CGNL1: variants seen among roughly 807,000 people sequenced by gnomAD.
The protein encoded by CGNL1 is cingulin-like protein 1.
Under a neutral mutation model 141.2 loss-of-function variants are expected in CGNL1, and 132 were observed. That is an observed-to-expected ratio of 0.93 (90% CI 0.81 to 1.08). The LOEUF (loss-of-function observed/expected upper bound fraction) is 1.08, where lower values mean the gene tolerates loss of function less well. Among genes scored for constraint, CGNL1 ranks in the 50% least tolerant of loss-of-function variants. The pLI is 0.00. For missense variants in CGNL1, 1,870 were observed against 1,588.6 expected (o/e 1.18, Z -3.01); for synonymous variants, 690 against 622.1 (o/e 1.11, Z -1.63).
intron 8 of CGNL1, among the ~76,000 whole-genome samples, chr15:57,505,010 C>G (rs2064081737): frequency 6.6e-6 from 1 of 152,208 alleles, no homozygotes; most frequent in East Asian, 1.9e-4. Flanking sequence ...CCCACTCTGT[C>G]TGTCCCAGCT....
At position 57,451,643 on chromosome 15, in the gene CGNL1, T is replaced by G. The variant is rs765779169; in HGVS notation, c.1905+42T>G. Reference sequence around the variant, plus strand: ...TTATGTTATTTTTTCCATTTCTGTCTTGGTTGATAAAGAATATTTTACATG... The same window carrying G: ...TTATGTTATTTTTTCCATTTCTGTCGTGGTTGATAAAGAATATTTTACATG... On this transcript the variant is annotated intron_variant, in intron 5 of 18. Coordinates refer to ENST00000281282, the MANE Select transcript of CGNL1 (RefSeq NM_032866.5). 11 of 1,439,826 alleles carry G rather than the reference T, an allele frequency of 7.6e-6. No individual in the cohort carries two copies. The Admixed American group carries it at 1.3e-4, about 17-fold the overall frequency. The allele number at this position is 1,439,826 out of a possible 1,614,324, so 89.2% of individuals were successfully genotyped here.
intron 1 of CGNL1, among the ~76,000 whole-genome samples, chr15:57,391,187 G>A (rs1706387): frequency 0.062 from 9,481 of 152,252 alleles, 544 homozygotes; most frequent in African/African-American, 0.15. Flanking sequence ...CCCTGTGGTT[G>A]TCATAGTCTA....
chr15:57,528,886 CTT>C lies in CGNL1; in HGVS notation c.3201+73_3201+74del, dbSNP rs144386543. The C allele has an allele frequency of 2.4e-3, 3,566 of 1,511,406 alleles. 70 individuals carry two copies. The African/African-American group carries it at 0.044, about 19-fold the overall frequency. 93.6% of individuals were successfully genotyped at this position (1,511,406 alleles called of 1,614,324 possible). On this transcript the variant is annotated intron_variant, in intron 13 of 18. Coordinates refer to ENST00000281282, the MANE Select transcript of CGNL1 (RefSeq NM_032866.5). ...GGCTGGGCCACGAGAGAAGCAGCCT[CTT>C]TGCTCTCAGCTCAGCCTTTGGGAAG...
chr15:57,525,152 CA>C (rs1373426108), intron 12 of CGNL1, among the ~76,000 whole-genome samples: 1 of 152,128 alleles, frequency 6.6e-6, no homozygotes, highest in Non-Finnish European at 1.5e-5. Flanking sequence ...TTTGAAAATA[CA>C]GACTTTTATT....
At chr15:57,531,810 T>C (rs763614125) in intron 14 of CGNL1, 31 bp downstream of exon 14, 1 of 1,369,742 alleles carries the variant, frequency 7.3e-7, no homozygotes, top group Non-Finnish European at 1.0e-6. Flanking sequence ...GATGCGTGGA[T>C]TGTCCTGTGT....
At chr15:57,476,375 G>A (rs1240221989) in intron 8 of CGNL1, among the ~76,000 whole-genome samples, 2 of 152,110 alleles carry the variant, frequency 1.3e-5, no homozygotes, top group Non-Finnish European at 2.9e-5. Flanking sequence ...CCTCTTTAGG[G>A]GTAACCATTT....
At chr15:57,396,277 G>GTT (rs57154500) in intron 1 of CGNL1, among the ~76,000 whole-genome samples, 13 of 129,224 alleles carry the variant, frequency 1.0e-4, no homozygotes, top group African/African-American at 2.6e-4. Context: ...TTCTTTCTTT[G>GTT]TTTTTTTTTT....
chr15:57,484,939 AT>A (rs1171288385), intron 8 of CGNL1, among the ~76,000 whole-genome samples: 10 of 141,296 alleles, frequency 7.1e-5, no homozygotes, highest in African/African-American at 1.6e-4. Flanking sequence ...TTTTTTTTCT[AT>A]TTTTTTTATG....
At chr15:57,455,289 C>T (rs1348249126) in intron 7 of CGNL1, among the ~76,000 whole-genome samples, 2 of 151,958 alleles carry the variant, frequency 1.3e-5, no homozygotes, top group African/African-American at 4.8e-5. Context: ...TGTCAATGAA[C>T]AATTTATGGC....
At chr15:57,389,637 G>A (rs1300929986) in intron 1 of CGNL1, among the ~76,000 whole-genome samples, 2 of 152,148 alleles carry the variant, frequency 1.3e-5, no homozygotes, top group East Asian at 1.9e-4. Context: ...GTATAGGAGT[G>A]CTCTGTATGT....
chr15:57,426,362 CTT>C (rs2062973677), intron 1 of CGNL1, among the ~76,000 whole-genome samples: 1 of 151,826 alleles, frequency 6.6e-6, no homozygotes, highest in Admixed American at 6.6e-5. Context: ...ACAGGCTGGT[CTT>C]GAACTCCTGA....
intron 14 of CGNL1, among the ~76,000 whole-genome samples, chr15:57,541,074 T>A (rs1226135068): frequency 3.3e-5 from 5 of 152,226 alleles, no homozygotes; most frequent in Non-Finnish European, 2.9e-5. Context: ...GCTTTTATTG[T>A]ATCATTGGCC....
Position 57,439,463 on chromosome 15 carries a change from T to A in CGNL1, c.1464T>A (p.Gly488=), listed in dbSNP as rs745751238. The A allele has an allele frequency of 3.1e-5, 50 of 1,614,068 alleles. No homozygotes were observed. The highest frequency in any genetic ancestry group is 4.2e-5 in the Non-Finnish European group (50 of 1,180,048). The change falls in exon 2 of 19, where the codon GGT becomes GGA. Residue 488 remains glycine, a synonymous_variant. Transcript: ENST00000281282. ...CAGTGATCCGTGCGCCCTCCCTTGG[T>A]GCACAGAGTAAAAAGGAGGAGGAGG... ...ESTVIRAPSL[G]AQSKKEEEVK...
chr15:57,498,050 G>T (rs1426428827), intron 8 of CGNL1, among the ~76,000 whole-genome samples: 1 of 152,044 alleles, frequency 6.6e-6, no homozygotes, highest in Non-Finnish European at 1.5e-5. Context: ...TTTTCCATCT[G>T]CACTGCCTTT....
rs766532362 is a variant in CGNL1 at position 57,528,684 on chromosome 15, T to C, written c.3070T>C (p.Tyr1024His). 2 of 1,614,124 alleles carry C rather than the reference T, an allele frequency of 1.2e-6. No homozygotes were observed. Among genetic ancestry groups the C allele is most frequent in the South Asian group, 2.2e-5 (2 of 91,076 alleles). The change falls in exon 13 of 19, where the codon TAC becomes CAC. Residue 1024 changes from tyrosine to histidine, a missense_variant. By Grantham distance (83) the Tyr-to-His change is moderately conservative. Coordinates refer to ENST00000281282, the MANE Select transcript of CGNL1 (RefSeq NM_032866.5). ...MRLMEEELRD[Y>H]QRAQDEALTK... ...TCTGATGGAGGAAGAGTTACGGGAC[T>C]ACCAGAGAGCTCAGGATGAAGCACT...
At chr15:57,456,842 G>C (rs146240099) in intron 7 of CGNL1, among the ~76,000 whole-genome samples, 10 of 152,320 alleles carry the variant, frequency 6.6e-5, no homozygotes, top group African/African-American at 2.4e-4. Flanking sequence ...GCAGAGTCTT[G>C]TGGTGTTTTA....
intron 12 of CGNL1, chr15:57,527,621 T>C (rs1169420768): frequency 2.6e-5 from 4 of 152,256 alleles, no homozygotes; most frequent in Admixed American, 2.6e-4. Context: ...TTCAAGACAC[T>C]GACTGGCCCT....
At chr15:57,420,159 T>C (rs762725056) in intron 1 of CGNL1, among the ~76,000 whole-genome samples, 1 of 152,204 alleles carries the variant, frequency 6.6e-6, no homozygotes, top group Non-Finnish European at 1.5e-5. Context: ...GTATATTTCC[T>C]GCCCTAGTCT....
rs577020541 is a variant in CGNL1 at position 57,523,749 on chromosome 15, A to C, written c.2868+108A>C. 12 of 1,189,348 alleles carry C rather than the reference A, an allele frequency of 1.0e-5. No homozygotes were observed. In the East Asian group the frequency reaches 2.9e-4, roughly 28 times the overall value. 73.7% of individuals were successfully genotyped at this position (1,189,348 alleles called of 1,614,324 possible). A position where few individuals can be genotyped will look rare whatever the true frequency, so the allele number is the denominator to read the frequency against. ...TGGGAAACCTGCAGTAGGTCTAAGC[A>C]CAAAAGTGTCAGGGATTTGCAGATC... On this transcript the variant is annotated intron_variant, in intron 11 of 18. Transcript: ENST00000281282.
Sources: allele counts gnomAD v4.1 joint callset (sites outside exome capture counted in the v4.1 genomes callset), GRCh38; gene constraint gnomAD v4.1.1; transcripts MANE v1.5; gene names NCBI Gene and HGNC (gene_info 2026-07-23, HGNC 2026-07-21).